MID1: variants seen among roughly 807,000 people sequenced by gnomAD.
MID1 encodes midline 1.
MID1 carries 7 observed loss-of-function variants against 40.4 expected under a neutral mutation model. The observed-to-expected ratio is 0.17, with a 90% CI of 0.10 to 0.33. MID1 has a LOEUF of 0.33. Ranked by LOEUF, MID1 falls within the 10% of genes least tolerant of loss-of-function variation. The probability of loss-of-function intolerance (pLI) is 1.00; values close to 1 mark genes in which losing one functional copy is unlikely to be tolerated. For synonymous variants in MID1, 229 were observed against 221.2 expected (o/e 1.04, Z -0.31); for missense variants, 367 against 558.5 (o/e 0.66, Z 3.46).
In MID1 at chrX:10,453,594, G is replaced by A. The variant is rs186704051; in HGVS notation, c.1655+1276C>T. 1.6e-3 allele frequency among the ~76,000 whole-genome samples: 184 copies of A among 112,090 alleles called. 1 individual carries two copies. The highest frequency in any genetic ancestry group is 5.7e-3 in the African/African-American group (177 of 30,867). ...AAACTACTACCCAGGGGCCAACTCTGGCCCTCTGCCTGTTTTTATAAATGA... is the reference window on the plus strand; with the variant it reads ...AAACTACTACCCAGGGGCCAACTCTAGCCCTCTGCCTGTTTTTATAAATGA... On this transcript the variant is annotated intron_variant, in intron 9 of 9. Coordinates refer to ENST00000317552, the MANE Select transcript of MID1 (RefSeq NM_000381.4).
chrX:10,718,896 C>T (rs1288231152), intron 1 of MID1, among the ~76,000 whole-genome samples: 16 of 111,622 alleles, frequency 1.4e-4, no homozygotes, highest in African/African-American at 2.6e-4. Context: ...GTTCAACATA[C>T]GCAAATCAAT....
At chrX:10,471,090 T>G (rs1929682407) in intron 6 of MID1, among the ~76,000 whole-genome samples, 1 of 111,930 alleles carries the variant, frequency 8.9e-6, no homozygotes, top group Admixed American at 9.5e-5. Context: ...CAAAGTTTGC[T>G]GACCTCTGGT....
At chrX:10,633,914 T>C (rs1936080281) in intron 1 of MID1, among the ~76,000 whole-genome samples, 1 of 111,456 alleles carries the variant, frequency 9.0e-6, no homozygotes, top group African/African-American at 3.3e-5. Context: ...CATTGTTATT[T>C]GCAGGCTCTT....
At chrX:10,511,002 T>TG (rs1932117485) in intron 3 of MID1, among the ~76,000 whole-genome samples, 1 of 110,206 alleles carries the variant, frequency 9.1e-6, no homozygotes, top group Non-Finnish European at 1.9e-5. Context: ...CCCAGCACTT[T>TG]GGGAGGCCAA....
chrX:10,523,043 T>C (rs1932766424), intron 3 of MID1, 49 bp downstream of exon 3: 2 of 870,809 alleles, frequency 2.3e-6, no homozygotes, highest in Non-Finnish European at 3.4e-6. Context: ...AACCTTGATC[T>C]GGCAGTTTTC....
intron 1 of MID1, among the ~76,000 whole-genome samples, chrX:10,590,188 C>T (rs1935258869): frequency 9.0e-6 from 1 of 111,511 alleles, no homozygotes; most frequent in African/African-American, 3.3e-5. Context: ...AGGCTTAGGT[C>T]AGGCAGGCCC....
At chrX:10,746,408 G>T (rs1011956774) in intron 1 of MID1, among the ~76,000 whole-genome samples, 1 of 112,027 alleles carries the variant, frequency 8.9e-6, no homozygotes, top group East Asian at 2.8e-4. Context: ...TATTTCCAAG[G>T]TTGTTCAGCT....
rs182292321 is a variant in MID1, at chrX:10,590,842, C to T, written c.-56-23239G>A. ...GGTATGACCTTATCCCTAAGGTTAT[C>T]CCTTATCCCCAAGGGAGTTGACTTA... On this transcript the variant is annotated intron_variant, in intron 1 of 9. Transcript: ENST00000317552. 1.2e-3 allele frequency among the ~76,000 whole-genome samples: 130 copies of T among 111,838 alleles called. 1 individual carries two copies. Among genetic ancestry groups the T allele is most frequent in the African/African-American group, 3.7e-3 (113 of 30,807 alleles).
intron 1 of MID1, among the ~76,000 whole-genome samples, chrX:10,615,412 G>C (rs1235297405): frequency 1.8e-5 from 2 of 112,234 alleles, no homozygotes; most frequent in African/African-American, 6.5e-5. Flanking sequence ...AAGAAAGGAA[G>C]GACAGCCTTT....
chrX:10,665,167 C>G (rs947395564), intron 1 of MID1, among the ~76,000 whole-genome samples: 2 of 112,195 alleles, frequency 1.8e-5, no homozygotes, highest in African/African-American at 6.5e-5. Context: ...ATATTTTTGG[C>G]TATGAAGACA....
chrX:10,709,397 G>T (rs2043251397), intron 1 of MID1, among the ~76,000 whole-genome samples: 1 of 112,347 alleles, frequency 8.9e-6, no homozygotes, highest in Admixed American at 9.4e-5. Flanking sequence ...TGTGTGCAAT[G>T]AACTGCATGG....
chrX:10,555,072 T>A (rs1934066816), intron 2 of MID1, among the ~76,000 whole-genome samples: 1 of 111,862 alleles, frequency 8.9e-6, no homozygotes. Context: ...GGAAATGACA[T>A]AAACTGCTTG....
intron 8 of MID1, among the ~76,000 whole-genome samples, chrX:10,456,381 C>T (rs992070488): frequency 1.8e-5 from 2 of 112,497 alleles, no homozygotes; most frequent in Non-Finnish European, 3.7e-5. Context: ...CTATTCAACT[C>T]TTCTGCTATA....
intron 1 of MID1, among the ~76,000 whole-genome samples, chrX:10,705,053 C>T (rs2043220568): frequency 9.0e-6 from 1 of 111,602 alleles, no homozygotes; most frequent in South Asian, 3.8e-4. Context: ...TGAGCCACCA[C>T]ACCCAGCCGA....
rs145920754 is a variant in MID1, at chrX:10,545,820, G to A, written c.660+21068C>T. On this transcript the variant is annotated intron_variant, in intron 2 of 9. Transcript: ENST00000317552. The stretch of plus-strand genomic sequence containing the variant: ...TAACAAGCTGGTGGTTTGTTTTATT[G>A]CTTTTTTAACACTTTTATTTATCAG... Among the ~76,000 whole-genome samples, 1,088 of 111,566 alleles carry A rather than the reference G, an allele frequency of 9.8e-3. 13 individuals carry two copies. The highest frequency in any genetic ancestry group is 0.015 in the Non-Finnish European group (821 of 53,038).
intron 3 of MID1, among the ~76,000 whole-genome samples, chrX:10,503,123 G>C (rs1931642158): frequency 9.0e-6 from 1 of 111,424 alleles, no homozygotes; most frequent in African/African-American, 3.3e-5. Flanking sequence ...CCACTGACCA[G>C]GTGCAAAAAG....
chrX:10,528,933 T>C (rs969371877), intron 2 of MID1, among the ~76,000 whole-genome samples: 3 of 111,448 alleles, frequency 2.7e-5, no homozygotes, highest in Non-Finnish European at 5.6e-5. Flanking sequence ...AGGAGCATAA[T>C]GGTTAAGTAC....
intron 1 of MID1, among the ~76,000 whole-genome samples, chrX:10,687,234 C>T (rs1383492085): frequency 2.7e-5 from 3 of 111,523 alleles, no homozygotes; most frequent in African/African-American, 3.3e-5. Flanking sequence ...TATCTAGACA[C>T]GATAATTTTA....
intron 3 of MID1, among the ~76,000 whole-genome samples, chrX:10,508,259 C>A (rs1360090679): frequency 8.9e-6 from 1 of 112,100 alleles, no homozygotes; most frequent in Non-Finnish European, 1.9e-5. Context: ...CCAATATGGC[C>A]ACCACTAGCC....
Sources: gnomAD v4.1 joint callset for allele counts (sites outside exome capture counted in the v4.1 genomes callset) on GRCh38, gnomAD v4.1.1 for gene constraint, MANE v1.5 for transcripts, NCBI Gene and HGNC (gene_info 2026-07-23, HGNC 2026-07-21) for gene names.